The following UGT1A8 variants were observed in gnomAD, a reference collection of about 807,000 sequenced individuals.
UGT1A8 encodes the protein UDP-glucuronosyltransferase 1A8.
In UGT1A8, 39 loss-of-function variants were observed where a neutral mutation model predicts 45.3. The observed-to-expected ratio is 0.86, with a 90% confidence interval of 0.67 to 1.12. UGT1A8 has a LOEUF of 1.12. Ranked by LOEUF, UGT1A8 falls within the 50% of genes most tolerant of loss-of-function variation. The pLI is 0.00. For synonymous variants in UGT1A8, 275 were observed against 249.2 expected, an observed-to-expected ratio of 1.10 and a Z score of -0.97; for missense variants, 719 against 664.9, an observed-to-expected ratio of 1.08 and a Z score of -0.90.
At chr2:233,755,342 A>G in intron 1 of UGT1A8, 1 of 423,680 alleles carries the variant, frequency 2.4e-6, no homozygotes, top group Non-Finnish European at 4.1e-6. Flanking sequence ...CGCACAGGTC[A>G]GAGGCTTGGC....
intron 1 of UGT1A8, chr2:233,672,202 T>G: frequency 6.2e-7 from 1 of 1,614,018 alleles, no homozygotes; most frequent in East Asian, 2.2e-5. Context: ...GGACCGGGAG[T>G]TCAAGGCTTT....
chr2:233,637,248 T>G (rs750470380), intron 1 of UGT1A8: 12 of 1,613,988 alleles, frequency 7.4e-6, no homozygotes, highest in Non-Finnish European at 1.0e-5. Flanking sequence ...TCACGGCATA[T>G]GATCTCTACA....
intron 1 of UGT1A8, among the ~76,000 whole-genome samples, chr2:233,724,528 C>T (rs1239231307): frequency 1.8e-5 from 2 of 112,842 alleles, no homozygotes; most frequent in Admixed American, 1.7e-4. Flanking sequence ...GATGGGGTCT[C>T]GCCGGGCAGA....
intron 1 of UGT1A8, chr2:233,729,441 T>C: frequency 3.1e-6 from 5 of 1,613,982 alleles, no homozygotes; most frequent in Non-Finnish European, 4.2e-6. Flanking sequence ...AAACAGAACA[T>C]TTTCTGAAGA....
intron 1 of UGT1A8, among the ~76,000 whole-genome samples, chr2:233,630,246 T>G (rs998993018): frequency 3.3e-5 from 5 of 152,088 alleles, no homozygotes; most frequent in African/African-American, 1.2e-4. Context: ...AGTGCCCCAG[T>G]CACCAAAAGA....
intron 1 of UGT1A8, among the ~76,000 whole-genome samples, chr2:233,652,728 AT>A (rs1169190851): frequency 3.3e-5 from 5 of 152,236 alleles, no homozygotes; most frequent in Non-Finnish European, 7.3e-5. Flanking sequence ...GGAAAGAATA[AT>A]CTCTTCAACA....
chr2:233,730,725 A>G (rs1270546313), intron 1 of UGT1A8, among the ~76,000 whole-genome samples: 1 of 152,146 alleles, frequency 6.6e-6, no homozygotes, highest in Admixed American at 6.5e-5. Flanking sequence ...TTATCAAGAA[A>G]TGGCGGAAGG....
chr2:233,640,033 G>A (rs1410744336), intron 1 of UGT1A8, among the ~76,000 whole-genome samples: 1 of 152,202 alleles, frequency 6.6e-6, no homozygotes, highest in Non-Finnish European at 1.5e-5. Flanking sequence ...GTGCAGCTCT[G>A]CAGACCTGGG....
rs10203266 is a variant in UGT1A8 at position 233,687,722 on chromosome 2, G to T, written c.855+69160G>T. 7.2e-5 allele frequency among the ~76,000 whole-genome samples: 11 copies of T among 151,776 alleles called. No homozygotes were observed. The South Asian group carries it at 2.1e-3, about 29-fold the overall frequency. ...GTTTGAGACCAGCCTGGACAACATA[G>T]GGAGACACTGTCTCTACAAAAAATG... On this transcript the variant is annotated intron_variant, in intron 1 of 4. Coordinates refer to ENST00000373450, the MANE Select transcript of UGT1A8 (RefSeq NM_019076.5).
At chr2:233,642,092 T>C (rs2073468309) in intron 1 of UGT1A8, among the ~76,000 whole-genome samples, 1 of 152,200 alleles carries the variant, frequency 6.6e-6, no homozygotes, top group African/African-American at 2.4e-5. Context: ...TTGAATAAAC[T>C]TTCTACTCCT....
chr2:233,720,872 T>TTG (rs71694891), intron 1 of UGT1A8, among the ~76,000 whole-genome samples: 1 of 39,450 alleles, frequency 2.5e-5, no homozygotes, highest in African/African-American at 3.2e-4. Flanking sequence ...CTCCTGGCAA[T>TTG]TTTTTTTTTT....
chr2:233,636,360 G>A (rs533132071), intron 1 of UGT1A8: 20 of 1,233,378 alleles, frequency 1.6e-5, no homozygotes, highest in Admixed American at 3.0e-5. Context: ...GTGTGTTATC[G>A]TTCTTATGAG....
chr2:233,679,857 T>C (rs188666653), intron 1 of UGT1A8, among the ~76,000 whole-genome samples: 4 of 152,196 alleles, frequency 2.6e-5, no homozygotes, highest in Non-Finnish European at 4.4e-5. Flanking sequence ...TTGGCATCTA[T>C]AAATAAGCCT....
At chr2:233,713,439 C>T (rs28946886) in intron 1 of UGT1A8, 1 of 1,614,136 alleles carries the variant, frequency 6.2e-7, no homozygotes, top group Non-Finnish European at 8.5e-7. Context: ...TGATGTGGTT[C>T]TAACAGACCC....
At chr2:233,679,021 C>T (rs975466167) in intron 1 of UGT1A8, among the ~76,000 whole-genome samples, 4 of 152,166 alleles carry the variant, frequency 2.6e-5, no homozygotes, top group African/African-American at 9.7e-5. Flanking sequence ...GTGGTGTAAT[C>T]CTTCTGGACT....
intron 4 of UGT1A8, 43 bp from the exon 5 acceptor site, chr2:233,772,219 A>G (rs1474444531): frequency 6.2e-7 from 1 of 1,612,704 alleles, no homozygotes; most frequent in East Asian, 2.2e-5. Context: ...GATTGTTCAT[A>G]CCACAGGTGT....
chr2:233,759,131 C>T (rs889675688), intron 1 of UGT1A8, among the ~76,000 whole-genome samples: 18 of 152,174 alleles, frequency 1.2e-4, no homozygotes, highest in African/African-American at 3.6e-4. Flanking sequence ...GCCTCTGGTA[C>T]GCAATGAAGG....
At position 233,747,376 on chromosome 2, in the gene UGT1A8, G is replaced by A. The variant is rs1236630048; in HGVS notation, c.856-19658G>A. On this transcript the variant is annotated intron_variant, in intron 1 of 4. Transcript: ENST00000373450. The stretch of plus-strand genomic sequence containing the variant: ...GCCGTGCGGGAGCTCCATGCCAGAG[G>A]CCACCAGGCGGTGGTCCTCACCCCA... 3 of 1,604,666 alleles carry A rather than the reference G, an allele frequency of 1.9e-6. No individual in the cohort carries two copies. The African/African-American group carries it at 4.0e-5, about 22-fold the overall frequency.
chr2:233,760,379 TG>T (rs1308601724), intron 1 of UGT1A8: 1 of 1,614,196 alleles, frequency 6.2e-7, no homozygotes, highest in East Asian at 2.2e-5. Flanking sequence ...GGGAAGATAC[TG>T]TTGATCCCAG....
Sources: gnomAD v4.1 joint callset for allele counts (sites outside exome capture counted in the v4.1 genomes callset) on GRCh38, gnomAD v4.1.1 for gene constraint, MANE v1.5 for transcripts, NCBI Gene and HGNC (gene_info 2026-07-23, HGNC 2026-07-21) for gene names.